DSE: variants seen among roughly 807,000 people sequenced by gnomAD.
DSE encodes dermatan-sulfate epimerase.
In DSE, 36 loss-of-function variants were observed where a neutral mutation model predicts 84.4. The observed-to-expected ratio is 0.43, with a 90% CI of 0.33 to 0.56. The LOEUF (loss-of-function observed/expected upper bound fraction) is 0.56. DSE is among the 20% of genes least tolerant of loss of function. DSE has a pLI of 0.06. For missense variants in DSE, 862 were observed against 1,169.6 expected, an observed-to-expected ratio of 0.74 and a Z score of 3.84; for synonymous variants, 410 against 430.1, an observed-to-expected ratio of 0.95 and a Z score of 0.58.
chr6:116,289,824 G>T (rs1338863999), intron 2 of DSE, among the ~76,000 whole-genome samples: 1 of 151,914 alleles, frequency 6.6e-6, no homozygotes. Flanking sequence ...GAGTTCTTTG[G>T]CTCTGAGACT....
intron 2 of DSE, among the ~76,000 whole-genome samples, chr6:116,328,669 T>G (rs1423829612): frequency 1.3e-5 from 2 of 152,210 alleles, no homozygotes; most frequent in African/African-American, 2.4e-5. Flanking sequence ...CAAGAAGGAA[T>G]GTAATATCTA....
At chr6:116,424,592 T>A (rs1054393487) in intron 2 of DSE, among the ~76,000 whole-genome samples, 4 of 152,248 alleles carry the variant, frequency 2.6e-5, no homozygotes, top group African/African-American at 9.6e-5. Flanking sequence ...GAGCATCTGC[T>A]GTGTGCCACA....
chr6:116,326,999 G>A (rs1162378488), intron 2 of DSE, among the ~76,000 whole-genome samples: 1 of 152,196 alleles, frequency 6.6e-6, no homozygotes, highest in Non-Finnish European at 1.5e-5. Context: ...TGTTGTTGGG[G>A]TCATTTGTAT....
chr6:116,279,120 C>G, intron 2 of DSE: 1 of 1,614,140 alleles, frequency 6.2e-7, no homozygotes. Flanking sequence ...TGTCCAGTTC[C>G]AGCTGGATGG....
intron 2 of DSE, among the ~76,000 whole-genome samples, chr6:116,330,621 GA>G (rs1776879774): frequency 6.6e-6 from 1 of 151,972 alleles, no homozygotes; most frequent in Non-Finnish European, 1.5e-5. Context: ...AGTAGGATAA[GA>G]AAAATACAAA....
At chr6:116,259,909 A>C (rs1772338370) in intron 2 of DSE, among the ~76,000 whole-genome samples, 1 of 152,184 alleles carries the variant, frequency 6.6e-6, no homozygotes, top group South Asian at 2.1e-4. Context: ...ATTTAGGTTG[A>C]TTCCATGGCT....
intron 2 of DSE, among the ~76,000 whole-genome samples, chr6:116,317,657 T>C (rs892043131): frequency 2.6e-5 from 4 of 152,252 alleles, no homozygotes; most frequent in African/African-American, 9.6e-5. Context: ...AATACACACA[T>C]ACACATAGTA....
chr6:116,431,832 T>C (rs1266424180), intron 4 of DSE, among the ~76,000 whole-genome samples: 1 of 152,204 alleles, frequency 6.6e-6, no homozygotes, highest in Non-Finnish European at 1.5e-5. Flanking sequence ...CCAGAGAACT[T>C]TGTAACCTTT....
intron 1 of DSE, among the ~76,000 whole-genome samples, chr6:116,377,668 A>C (rs560953255): frequency 1.2e-4 from 19 of 152,320 alleles, no homozygotes; most frequent in African/African-American, 4.3e-4. Flanking sequence ...AAATTGCCTC[A>C]GTGACAAATA....
intron 4 of DSE, chr6:116,432,776 T>G (rs9398433): frequency 0.29 from 44,732 of 152,584 alleles, 7,990 homozygotes; most frequent in Middle Eastern, 0.45. Flanking sequence ...GGCTTTATGA[T>G]CCTTGCATTT....
intron 2 of DSE, chr6:116,277,689 G>C (rs1421177678): frequency 6.6e-6 from 1 of 152,114 alleles, no homozygotes; most frequent in Non-Finnish European, 1.5e-5. Context: ...CGGATCACGA[G>C]ATCGGGGTTC....
upstream of DSE, among the ~76,000 whole-genome samples, chr6:116,367,991 C>T (rs533805924): frequency 1.3e-5 from 2 of 152,314 alleles, no homozygotes; most frequent in African/African-American, 4.8e-5. Flanking sequence ...CATCTGGATA[C>T]TTAGAAAAGG....
At chr6:116,427,645 C>T (rs1783530675) in intron 3 of DSE, among the ~76,000 whole-genome samples, 1 of 152,180 alleles carries the variant, frequency 6.6e-6, no homozygotes, top group Non-Finnish European at 1.5e-5. Flanking sequence ...AAGAAACTAA[C>T]ATTAACTGAG....
chr6:116,382,731 G>T (rs1270940652), intron 1 of DSE, among the ~76,000 whole-genome samples: 1 of 152,188 alleles, frequency 6.6e-6, no homozygotes, highest in Non-Finnish European at 1.5e-5. Flanking sequence ...TGAGGAGTCA[G>T]TTGGAGATGA....
intron 2 of DSE, chr6:116,279,051 C>T: frequency 6.2e-7 from 1 of 1,613,298 alleles, no homozygotes; most frequent in Non-Finnish European, 8.5e-7. Context: ...AGTGTCGACG[C>T]ATCCGCCCAA....
chr6:116,398,805 C>T (rs529358268), intron 1 of DSE, among the ~76,000 whole-genome samples: 57 of 152,312 alleles, frequency 3.7e-4, no homozygotes, highest in Non-Finnish European at 6.8e-4. Context: ...AATGTCTACT[C>T]AGATTCCCAG....
intron 2 of DSE, among the ~76,000 whole-genome samples, chr6:116,290,943 A>G (rs1449636110): frequency 6.6e-6 from 1 of 152,152 alleles, no homozygotes; most frequent in African/African-American, 2.4e-5. Context: ...AGTTTGCTCA[A>G]TTTTCTGGCC....
chr6:116,316,372 A>G (rs1775978204), intron 2 of DSE, among the ~76,000 whole-genome samples: 1 of 152,048 alleles, frequency 6.6e-6, no homozygotes, highest in Non-Finnish European at 1.5e-5. Context: ...ATATCTACAG[A>G]CCTTACTATA....
At chr6:116,294,261 G>A (rs1215784729) in intron 2 of DSE, among the ~76,000 whole-genome samples, 1 of 152,140 alleles carries the variant, frequency 6.6e-6, no homozygotes, top group African/African-American at 2.4e-5. Context: ...GGGCTCAAGG[G>A]ATCCTTTTGG....
Sources: allele counts gnomAD v4.1 joint callset (sites outside exome capture counted in the v4.1 genomes callset), GRCh38; gene constraint gnomAD v4.1.1; transcripts MANE v1.5; gene names NCBI Gene and HGNC (gene_info 2026-07-23, HGNC 2026-07-21).